The following HS2ST1 variants were observed in gnomAD, a reference collection of about 807,000 sequenced individuals.
The protein encoded by HS2ST1 is heparan sulfate 2-O-sulfotransferase 1.
A neutral mutation model predicts 42.9 loss-of-function variants in HS2ST1; 18 were observed. The ratio of observed to expected loss-of-function variants is 0.42; its 90% CI spans 0.29 to 0.62. HS2ST1 has a LOEUF of 0.62. Among genes scored for constraint, HS2ST1 ranks in the 20% least tolerant of loss-of-function variants. The pLI is 0.21. For missense variants in HS2ST1, 334 were observed against 433.8 expected (o/e 0.77, Z 2.04); for synonymous variants, 146 against 152.9 (o/e 0.95, Z 0.33).
chr1:86,964,484 G>A (rs1288798008), intron 1 of HS2ST1, among the ~76,000 whole-genome samples: 3 of 152,214 alleles, frequency 2.0e-5, no homozygotes, highest in Non-Finnish European at 4.4e-5. Context: ...AAAAAAATAC[G>A]AAAACCAGTC....
At chr1:86,951,398 A>C (rs927420441) in intron 1 of HS2ST1, among the ~76,000 whole-genome samples, 2 of 152,262 alleles carry the variant, frequency 1.3e-5, no homozygotes, top group African/African-American at 4.8e-5. Context: ...AAATAGTGCA[A>C]TAAAGCAAGT....
At chr1:86,986,010 T>C (rs1042659182) in intron 1 of HS2ST1, among the ~76,000 whole-genome samples, 1 of 151,208 alleles carries the variant, frequency 6.6e-6, no homozygotes, top group African/African-American at 2.4e-5. Flanking sequence ...GATCATTACC[T>C]GTTAGTAATA....
chr1:86,920,575 A>G (rs1426100654), intron 1 of HS2ST1, among the ~76,000 whole-genome samples: 3 of 152,318 alleles, frequency 2.0e-5, no homozygotes, highest in African/African-American at 7.2e-5. Flanking sequence ...CAATTAAGAT[A>G]ATTCCAGGAT....
rs541405845 is a variant in HS2ST1, at chr1:86,963,438, T to C, written c.124+48278T>C. On this transcript the variant is annotated intron_variant, in intron 1 of 6. Coordinates refer to ENST00000370550, the MANE Select transcript of HS2ST1 (RefSeq NM_012262.4). ...TGCCCTTAATCCATTTAACCCTGAG[T>C]GGACACAGCACATGTTTCAGAGAGC... Among the ~76,000 whole-genome samples, 101 of 152,188 alleles carry C rather than the reference T, an allele frequency of 6.6e-4. 1 individual carries two copies. Among genetic ancestry groups the C allele is most frequent in the African/African-American group, 2.3e-3 (94 of 41,534 alleles).
At chr1:86,928,533 C>T (rs1487953159) in intron 1 of HS2ST1, among the ~76,000 whole-genome samples, 2 of 151,904 alleles carry the variant, frequency 1.3e-5, no homozygotes, top group African/African-American at 4.8e-5. Flanking sequence ...AGTCTTATTG[C>T]TTTTCAACAC....
chr1:87,099,374 T>C (rs1652146539), intron 5 of HS2ST1, among the ~76,000 whole-genome samples: 1 of 152,116 alleles, frequency 6.6e-6, no homozygotes, highest in Admixed American at 6.5e-5. Context: ...TATCACATGG[T>C]GGGAGCAAGA....
chr1:86,915,222 G>A, intron 1 of HS2ST1, 62 bp downstream of exon 1: 1 of 1,541,746 alleles, frequency 6.5e-7, no homozygotes, highest in African/African-American at 1.4e-5. Flanking sequence ...CGCTGCCGCC[G>A]GAGCAAGTGG....
chr1:86,928,836 A>G (rs1025653499), intron 1 of HS2ST1, among the ~76,000 whole-genome samples: 1 of 151,968 alleles, frequency 6.6e-6, no homozygotes, highest in African/African-American at 2.4e-5. Flanking sequence ...CTCAGCCATT[A>G]AAATAAGGGA....
At chr1:87,013,806 T>C (rs1268238670) in intron 1 of HS2ST1, among the ~76,000 whole-genome samples, 1 of 152,214 alleles carries the variant, frequency 6.6e-6, no homozygotes, top group African/African-American at 2.4e-5. Flanking sequence ...TTGAACACTT[T>C]GCTGCTTGGA....
chr1:87,070,558 C>T (rs975791912), intron 1 of HS2ST1, among the ~76,000 whole-genome samples: 4 of 152,144 alleles, frequency 2.6e-5, no homozygotes, highest in Non-Finnish European at 5.9e-5. Flanking sequence ...CACCACTGCA[C>T]TCCAGCCTGG....
chr1:87,048,666 GCTTCTAGTCCCAGTTTGCTGAGATTTTTA>G (rs1650757272), intron 1 of HS2ST1, among the ~76,000 whole-genome samples: 2 of 151,612 alleles, frequency 1.3e-5, no homozygotes, highest in Non-Finnish European at 2.9e-5. Context: ...TTTTTATCAT[GCTTCTAGTCCCAGTTTGCTGAGATTTTTA>G]TCATGAATTG....
intron 2 of HS2ST1, among the ~76,000 whole-genome samples, chr1:87,083,470 T>C (rs371814436): frequency 2.6e-5 from 4 of 152,218 alleles, no homozygotes; most frequent in African/African-American, 9.6e-5. Context: ...CATTGAGAAA[T>C]TGTATATCAC....
chr1:87,013,225 C>T (rs1410435637), intron 1 of HS2ST1, among the ~76,000 whole-genome samples: 4 of 152,226 alleles, frequency 2.6e-5, no homozygotes, highest in Admixed American at 6.5e-5. Flanking sequence ...GAGGGCCCCA[C>T]GACTGTAGCA....
In HS2ST1 at chr1:87,107,266, T is replaced by G. The variant is rs543701838; in HGVS notation, c.*2570T>G. The G allele has an allele frequency of 6.6e-6, 1 of 152,124 alleles. No homozygotes were observed. The highest frequency in any genetic ancestry group is 1.5e-5 in the Non-Finnish European group (1 of 67,922). 9.4% of individuals were successfully genotyped at this position (152,124 alleles called of 1,614,324 possible). ...GATTCGTGTAGTCTCTCCCACAGAT[T>G]CATAAACTTTTATGACTTATATTGT... On this transcript the variant is annotated 3_prime_UTR_variant, in exon 7 of 7. Coordinates refer to ENST00000370550, the MANE Select transcript of HS2ST1 (RefSeq NM_012262.4).
At chr1:87,002,736 TC>T (rs576680076) in intron 1 of HS2ST1, among the ~76,000 whole-genome samples, 1 of 151,950 alleles carries the variant, frequency 6.6e-6, no homozygotes. Flanking sequence ...TTAAAAATTT[TC>T]CCCCCCGCTG....
intron 1 of HS2ST1, among the ~76,000 whole-genome samples, chr1:87,039,287 C>A (rs917252839): frequency 6.6e-6 from 1 of 152,192 alleles, no homozygotes; most frequent in African/African-American, 2.4e-5. Context: ...AATGCTACCT[C>A]AGCAATATTA....
At chr1:87,012,553 T>C (rs1419196757) in intron 1 of HS2ST1, among the ~76,000 whole-genome samples, 1 of 152,144 alleles carries the variant, frequency 6.6e-6, no homozygotes, top group Non-Finnish European at 1.5e-5. Context: ...GAGCTACAAT[T>C]CAAGATGAGA....
chr1:86,978,342 T>A (rs1249786481), intron 1 of HS2ST1, among the ~76,000 whole-genome samples: 1 of 152,252 alleles, frequency 6.6e-6, no homozygotes, highest in Non-Finnish European at 1.5e-5. Flanking sequence ...GTATTATGCA[T>A]GTTTTAATCA....
chr1:87,072,860 G>T, intron 1 of HS2ST1, 74 bp from the exon 2 acceptor site: 1 of 989,612 alleles, frequency 1.0e-6, no homozygotes. Flanking sequence ...TTCTAATCAT[G>T]GTCCAAAGTT....
Sources: gnomAD v4.1 joint callset for allele counts (sites outside exome capture counted in the v4.1 genomes callset) on GRCh38, gnomAD v4.1.1 for gene constraint, MANE v1.5 for transcripts, NCBI Gene and HGNC (gene_info 2026-07-23, HGNC 2026-07-21) for gene names.